Variants in SERPINB5 observed in about 807,000 individuals in gnomAD.
The protein encoded by SERPINB5 is serpin B5.
SERPINB5 carries 27 observed loss-of-function variants against 32.2 expected under a neutral mutation model. The observed-to-expected ratio is 0.84, with a 90% CI of 0.62 to 1.16. The LOEUF is 1.16. SERPINB5 is among the 50% of genes most tolerant of loss of function. The pLI, the probability that SERPINB5 is intolerant of heterozygous loss-of-function variation, is 0.00. For missense variants in SERPINB5, 388 were observed against 436.3 expected (o/e 0.89, Z 0.99); for synonymous variants, 154 against 157.4 (o/e 0.98, Z 0.16).
intron 4 of SERPINB5, among the ~76,000 whole-genome samples, chr18:63,491,068 A>G (rs1158960882): frequency 5.3e-5 from 8 of 152,154 alleles, no homozygotes; most frequent in African/African-American, 1.9e-4. Context: ...GTGAGAACAT[A>G]CAATGTTTGG....
At position 63,503,820 on chromosome 18, in the gene SERPINB5, G is replaced by A. The variant is rs1909622868; in HGVS notation, c.*98G>A. ...ATTCATTTTCTAGATACAATAAATT[G>A]CTAATGTTGCTGGATCAGGAAGCCG... On this transcript the variant is annotated 3_prime_UTR_variant, in exon 7 of 7. Transcript: ENST00000382771. The A allele has an allele frequency of 1.6e-6, 2 of 1,269,182 alleles. No individual in the cohort carries two copies. Among genetic ancestry groups the A allele is most frequent in the Admixed American group, 2.1e-5 (1 of 47,536 alleles). 78.6% of individuals were successfully genotyped at this position (1,269,182 alleles called of 1,614,324 possible). A position where few individuals can be genotyped will look rare whatever the true frequency, so the allele number is the denominator to read the frequency against.
At position 63,487,058 on chromosome 18, in the gene SERPINB5, T is replaced by C. The variant is rs1034943193; in HGVS notation, c.281T>C (p.Val94Ala). The C allele has an allele frequency of 1.9e-6, 3 of 1,613,886 alleles. No individual in the cohort carries two copies. The African/African-American group carries it at 4.0e-5, about 22-fold the overall frequency. The change falls in exon 3 of 7, where the codon GTA becomes GCA. Residue 94 changes from valine to alanine, a missense_variant. Val to Ala is a moderately conservative substitution (Grantham distance 64). Coordinates refer to ENST00000382771, the MANE Select transcript of SERPINB5 (RefSeq NM_002639.5). ...YSLKLIKRLY[V>A]DKSLNLSTEF... is the part of the protein sequence containing the mutation. ...CTGAAACTAATCAAGCGGCTCTACG[T>C]AGACAAATCTCTGAATCTTTCTACA...
chr18:63,490,085 G>A (rs914282118), intron 4 of SERPINB5, among the ~76,000 whole-genome samples: 2 of 152,024 alleles, frequency 1.3e-5, no homozygotes, highest in African/African-American at 4.8e-5. Context: ...CCAGCTACTC[G>A]GGAGGCTGAG....
intron 5 of SERPINB5, among the ~76,000 whole-genome samples, chr18:63,493,878 AAAC>A (rs954352816): frequency 7.9e-5 from 12 of 151,124 alleles, no homozygotes; most frequent in Non-Finnish European, 3.0e-5. Context: ...ACAAACAAAC[AAAC>A]AACAAGACCA....
chr18:63,484,743 T>C, intron 2 of SERPINB5, 147 bp downstream of exon 2: 1 of 324,336 alleles, frequency 3.1e-6, no homozygotes, highest in South Asian at 9.1e-5. Flanking sequence ...CTCTTAATCT[T>C]TTTTTTTTTT....
intron 6 of SERPINB5, among the ~76,000 whole-genome samples, chr18:63,499,875 A>G (rs1206062226): frequency 1.3e-5 from 2 of 152,114 alleles, no homozygotes; most frequent in Non-Finnish European, 2.9e-5. Context: ...AAATAAGCAG[A>G]AAGTACAAGG....
intron 1 of SERPINB5, among the ~76,000 whole-genome samples, chr18:63,478,758 G>GTTTTTTTTT (rs10669993): frequency 3.7e-5 from 5 of 135,382 alleles, no homozygotes; most frequent in Non-Finnish European, 7.7e-5. Context: ...TAAAAACGTA[G>GTTTTTTTTT]TTTTTTTTTT....
chr18:63,491,404 C>CAAAAAAAA (rs1555670766), intron 4 of SERPINB5, among the ~76,000 whole-genome samples: 2 of 81,424 alleles, frequency 2.5e-5, no homozygotes, highest in African/African-American at 5.2e-5. Context: ...CTGCGTCTCC[C>CAAAAAAAA]AAAAAAAAAA....
chr18:63,503,240 C>T (rs1205976422), intron 6 of SERPINB5, 90 bp from the exon 7 acceptor site: 26 of 1,402,170 alleles, frequency 1.9e-5, no homozygotes, highest in Non-Finnish European at 2.5e-5. Flanking sequence ...TGAAGCTGGG[C>T]TTATCATAAC....
chr18:63,494,192 T>A (rs1909401045), intron 5 of SERPINB5, among the ~76,000 whole-genome samples: 1 of 151,650 alleles, frequency 6.6e-6, no homozygotes, highest in South Asian at 2.1e-4. Context: ...CATGGTGGCA[T>A]GTGCCTGTAA....
intron 6 of SERPINB5, among the ~76,000 whole-genome samples, chr18:63,500,900 CTG>C (rs150425553): frequency 0.039 from 5,922 of 152,102 alleles, 313 homozygotes; most frequent in East Asian, 0.13. Context: ...ATTACTCTCT[CTG>C]TTTTTTTTCT....
At position 63,486,930 on chromosome 18, in the gene SERPINB5, A is replaced by G; in HGVS notation, c.169-16A>G. The G allele has an allele frequency of 6.2e-7, 1 of 1,613,072 alleles. No individual in the cohort carries two copies. Among genetic ancestry groups the G allele is most frequent in the Non-Finnish European group, 8.5e-7 (1 of 1,179,590 alleles). On this transcript the variant is annotated splice_polypyrimidine_tract_variant and intron_variant, in intron 2 of 6. Coordinates refer to ENST00000382771, the MANE Select transcript of SERPINB5 (RefSeq NM_002639.5). ...AGAGGCAATGCTTTTTGGGTAACGG[A>G]TTTTTCTCTTAACAGGTTCTTCATT...
intron 1 of SERPINB5, among the ~76,000 whole-genome samples, chr18:63,483,535 G>T (rs11152385): frequency 0.1 from 15,817 of 152,278 alleles, 1,028 homozygotes; most frequent in Non-Finnish European, 0.13. Context: ...CCACAGGCTT[G>T]GAGGCCAGTA....
At position 63,493,099 on chromosome 18, in the gene SERPINB5, T is replaced by C; in HGVS notation, c.567+4T>C. 1 of 1,614,138 alleles carries C rather than the reference T, an allele frequency of 6.2e-7. No individual in the cohort carries two copies. The highest frequency in any genetic ancestry group is 8.5e-7 in the Non-Finnish European group (1 of 1,180,028). ...ATGTCCTTTCAGAGTCAACAAGGTA[T>C]GTGGGGCAGCATGTAGCAGTAAAAG... On this transcript the variant is annotated splice_donor_region_variant and intron_variant, in intron 5 of 6. Coordinates refer to ENST00000382771, the MANE Select transcript of SERPINB5 (RefSeq NM_002639.5).
chr18:63,478,216 A>G lies in SERPINB5; in HGVS notation c.-8+1171A>G, dbSNP rs118005240. Among the ~76,000 whole-genome samples the G allele has an allele frequency of 1.4e-3, 217 of 152,142 alleles. 5 individuals carry two copies. The East Asian group carries it at 0.022, about 15-fold the overall frequency. On this transcript the variant is annotated intron_variant, in intron 1 of 6. Transcript: ENST00000382771. Reference sequence around the variant, plus strand: ...CCACTTCAATCCCTCTGGGTTGTGGATTGACTTTGGGGCTATGCAGTCTCA... The same window carrying G: ...CCACTTCAATCCCTCTGGGTTGTGGGTTGACTTTGGGGCTATGCAGTCTCA...
rs754180267 is a variant in SERPINB5 at position 63,487,082 on chromosome 18, C to G, written c.305C>G (p.Thr102Arg). The G allele has an allele frequency of 1.2e-6, 2 of 1,613,062 alleles. No homozygotes were observed. The highest frequency in any genetic ancestry group is 2.7e-5 in the African/African-American group (2 of 74,878). ...GTAGACAAATCTCTGAATCTTTCTA[C>G]AGTAAGTTGTTTAAAGCAAGTAGCA... ...LYVDKSLNLS[T>R]EFISSTKRPY... Residue 102 changes from threonine (T) to arginine (R), a missense_variant and splice_region_variant, in exon 3 of 7, where the codon ACA (threonine) becomes AGA (arginine). Physicochemically the swap from Thr to Arg is moderately conservative, Grantham distance 71 (BLOSUM62 -1). Transcript: ENST00000382771.
chr18:63,491,586 T>C (rs1909340279), intron 4 of SERPINB5, among the ~76,000 whole-genome samples: 1 of 151,396 alleles, frequency 6.6e-6, no homozygotes, highest in African/African-American at 2.4e-5. Context: ...GGGATTCTCC[T>C]GTCTCAGCCT....
At position 63,485,216 on chromosome 18, in the gene SERPINB5, G is replaced by A. The variant is rs186423433; in HGVS notation, c.168+620G>A. On this transcript the variant is annotated intron_variant, in intron 2 of 6. Transcript: ENST00000382771. ...TCATAAATCAAGCAGCATCTGTATC[G>A]TTTTAGGGTTTCTTTCTGGCTATGG... Among the ~76,000 whole-genome samples, 27 of 152,184 alleles carry A rather than the reference G, an allele frequency of 1.8e-4. No homozygotes were observed. In the East Asian group the frequency reaches 2.9e-3, roughly 16 times the overall value.
At chr18:63,484,375 G>A (rs540529104) in intron 1 of SERPINB5, 47 bp from the exon 2 acceptor site, 16 of 1,546,270 alleles carry the variant, frequency 1.0e-5, no homozygotes, top group African/African-American at 4.1e-5. Context: ...TTGAGAAGAC[G>A]TTAAAGATGC....
Sources: allele counts gnomAD v4.1 joint callset (sites outside exome capture counted in the v4.1 genomes callset), GRCh38; gene constraint gnomAD v4.1.1; transcripts MANE v1.5; gene names NCBI Gene and HGNC (gene_info 2026-07-23, HGNC 2026-07-21).